SGCZ: variants seen among roughly 807,000 people sequenced by gnomAD.
SGCZ encodes the protein zeta-sarcoglycan.
In SGCZ, 40 loss-of-function variants were observed where a neutral mutation model predicts 41.3. The ratio of observed to expected loss-of-function variants is 0.97; its 90% confidence interval spans 0.75 to 1.26. SGCZ has a LOEUF of 1.26. Ranked by LOEUF, SGCZ falls within the 50% of genes most tolerant of loss-of-function variation. The pLI is 0.00. For synonymous variants in SGCZ, 206 were observed against 137.5 expected (o/e 1.50, Z -3.49); for missense variants, 552 against 369.8 (o/e 1.49, Z -4.04).
chr8:15,031,682 G>C, intron 1 of SGCZ, among the ~76,000 whole-genome samples: 2 of 152,100 alleles, frequency 1.3e-5, no homozygotes, highest in East Asian at 3.9e-4. Context: ...GAGCCTTGCT[G>C]TCAACTATCC....
intron 2 of SGCZ, among the ~76,000 whole-genome samples, chr8:14,408,240 T>A (rs555035972): frequency 2.4e-4 from 37 of 152,248 alleles, no homozygotes; most frequent in Admixed American, 1.3e-4. Flanking sequence ...ACTGCTGTAT[T>A]TGCAGTTTTG....
intron 1 of SGCZ, among the ~76,000 whole-genome samples, chr8:14,671,352 G>A (rs1808096347): frequency 6.6e-6 from 1 of 152,030 alleles, no homozygotes; most frequent in Non-Finnish European, 1.5e-5. Context: ...CTTATCAGGT[G>A]TTAAAACCCT....
At chr8:14,308,777 T>A (rs1430334180) in intron 3 of SGCZ, among the ~76,000 whole-genome samples, 1 of 152,136 alleles carries the variant, frequency 6.6e-6, no homozygotes, top group African/African-American at 2.4e-5. Flanking sequence ...TGTAACACAC[T>A]ATTTCTCAGA....
intron 1 of SGCZ, among the ~76,000 whole-genome samples, chr8:15,059,371 G>A (rs935455553): frequency 1.3e-5 from 2 of 152,034 alleles, no homozygotes; most frequent in African/African-American, 2.4e-5. Context: ...TTAAAAGAGC[G>A]GATATGTCAT....
At chr8:14,563,106 C>T (rs960684063) in intron 1 of SGCZ, among the ~76,000 whole-genome samples, 2 of 152,188 alleles carry the variant, frequency 1.3e-5, no homozygotes, top group African/African-American at 4.8e-5. Flanking sequence ...TTGCAGGAGT[C>T]TGGCTCCGGG....
At chr8:14,102,583 A>G (rs1295090608) in intron 6 of SGCZ, 84 bp from the exon 7 acceptor site, 8 of 1,185,434 alleles carry the variant, frequency 6.7e-6, no homozygotes, top group Non-Finnish European at 8.5e-6. Context: ...TTGATAAACT[A>G]GAAGACAACA....
intron 1 of SGCZ, among the ~76,000 whole-genome samples, chr8:14,914,198 A>C (rs1247180197): frequency 6.6e-6 from 1 of 151,286 alleles, no homozygotes; most frequent in East Asian, 1.9e-4. Context: ...AGTTATACAC[A>C]AACATCATTT....
At chr8:14,587,228 C>A (rs893680827) in intron 1 of SGCZ, among the ~76,000 whole-genome samples, 11 of 151,516 alleles carry the variant, frequency 7.3e-5, no homozygotes, top group African/African-American at 2.4e-4. Context: ...AAGTTTCAAC[C>A]AAACTTCTAC....
At chr8:14,559,486 C>T (rs1439433208) in intron 1 of SGCZ, among the ~76,000 whole-genome samples, 1 of 152,034 alleles carries the variant, frequency 6.6e-6, no homozygotes, top group Non-Finnish European at 1.5e-5. Context: ...TTATAGATGA[C>T]ACAAACAAAT....
intron 1 of SGCZ, among the ~76,000 whole-genome samples, chr8:15,050,754 T>C (rs772113029): frequency 1.3e-5 from 2 of 152,228 alleles, no homozygotes; most frequent in East Asian, 1.9e-4. Flanking sequence ...GGAGAAAGCA[T>C]GTAAATATAA....
chr8:14,290,965 TAAAG>T (rs1395117837), intron 3 of SGCZ, among the ~76,000 whole-genome samples: 2 of 152,040 alleles, frequency 1.3e-5, no homozygotes, highest in Non-Finnish European at 2.9e-5. Flanking sequence ...GATGAATGGA[TAAAG>T]AAAGTATTGT....
chr8:15,195,022 T>A (rs1800676135), intron 1 of SGCZ, among the ~76,000 whole-genome samples: 1 of 152,208 alleles, frequency 6.6e-6, no homozygotes, highest in South Asian at 2.1e-4. Flanking sequence ...CCCATCTTAT[T>A]ATCTTAGCAT....
At chr8:14,509,212 G>C (rs998572673) in intron 2 of SGCZ, among the ~76,000 whole-genome samples, 1 of 151,966 alleles carries the variant, frequency 6.6e-6, no homozygotes, top group African/African-American at 2.4e-5. Context: ...ACCATTATTA[G>C]GAAATTGATT....
chr8:14,161,683 T>C (rs990464150), intron 5 of SGCZ, among the ~76,000 whole-genome samples: 1 of 152,188 alleles, frequency 6.6e-6, no homozygotes, highest in Non-Finnish European at 1.5e-5. Flanking sequence ...TAAGATCATC[T>C]GAAAGTATAT....
At chr8:14,716,788 C>A (rs1309435993) in intron 1 of SGCZ, among the ~76,000 whole-genome samples, 1 of 152,016 alleles carries the variant, frequency 6.6e-6, no homozygotes, top group African/African-American at 2.4e-5. Flanking sequence ...CCTTGTGGCA[C>A]CAAATGGGAA....
chr8:14,784,936 A>T (rs1272939691), intron 1 of SGCZ, among the ~76,000 whole-genome samples: 14 of 37,972 alleles, frequency 3.7e-4, no homozygotes, highest in East Asian at 3.6e-3. Context: ...ATATATATAA[A>T]ATATATATAT....
At chr8:15,218,994 C>T (rs1801504643) in intron 1 of SGCZ, among the ~76,000 whole-genome samples, 2 of 152,104 alleles carry the variant, frequency 1.3e-5, no homozygotes. Flanking sequence ...TCTCAAAGAT[C>T]GTTAGATTAC....
At chr8:14,839,364 A>T (rs1352244887) in intron 1 of SGCZ, among the ~76,000 whole-genome samples, 1 of 152,170 alleles carries the variant, frequency 6.6e-6, no homozygotes, top group East Asian at 1.9e-4. Flanking sequence ...GTGGGCATAC[A>T]TGAGAACCTG....
intron 1 of SGCZ, among the ~76,000 whole-genome samples, chr8:14,577,853 T>C (rs1804762361): frequency 6.6e-6 from 1 of 152,218 alleles, no homozygotes; most frequent in African/African-American, 2.4e-5. Flanking sequence ...TTTTTATACT[T>C]ATTTATTTTC....
Sources: gnomAD v4.1 joint callset for allele counts (sites outside exome capture counted in the v4.1 genomes callset) on GRCh38, gnomAD v4.1.1 for gene constraint, MANE v1.5 for transcripts, NCBI Gene and HGNC (gene_info 2026-07-23, HGNC 2026-07-21) for gene names.